The following TNRC6A variants were observed in gnomAD, a reference collection of about 807,000 sequenced individuals.
The protein encoded by TNRC6A is trinucleotide repeat containing adaptor 6A.
In TNRC6A, 44 loss-of-function variants were observed where a neutral mutation model predicts 221.2. The ratio of observed to expected loss-of-function variants is 0.20; its 90% CI spans 0.16 to 0.26. TNRC6A has a LOEUF of 0.26. TNRC6A is among the 10% of genes least tolerant of loss of function. The probability of loss-of-function intolerance (pLI) is 1.00; values close to 1 mark genes in which losing one functional copy is unlikely to be tolerated. For missense variants in TNRC6A, 2,199 were observed against 2,404.4 expected (o/e 0.91, Z 1.79); for synonymous variants, 847 against 838.5 (o/e 1.01, Z -0.18).
At chr16:24,628,905 A>G (rs1805310359) in intron 1 of TNRC6A, among the ~76,000 whole-genome samples, 1 of 152,160 alleles carries the variant, frequency 6.6e-6, no homozygotes, top group South Asian at 2.1e-4. Flanking sequence ...TCAAAAAATA[A>G]AATGGTGAGA....
At chr16:24,811,413 G>A (rs1041815577) in intron 18 of TNRC6A, among the ~76,000 whole-genome samples, 4 of 152,166 alleles carry the variant, frequency 2.6e-5, no homozygotes, top group Non-Finnish European at 4.4e-5. Context: ...TTGGTGACAT[G>A]TATAGAAGGA....
At chr16:24,648,274 C>CTTTTTTT (rs71156430) in intron 2 of TNRC6A, among the ~76,000 whole-genome samples, 3 of 97,872 alleles carry the variant, frequency 3.1e-5, no homozygotes, top group African/African-American at 4.7e-5. Context: ...TCCACAGCAA[C>CTTTTTTT]TTTTTTTTTT....
intron 14 of TNRC6A, 87 bp from the exon 15 acceptor site, chr16:24,805,518 G>GT: frequency 6.5e-7 from 1 of 1,543,940 alleles, no homozygotes; most frequent in Non-Finnish European, 8.8e-7. Flanking sequence ...AAATTTAACT[G>GT]CTCTATTGAC....
At chr16:24,718,158 C>T (rs1394016007) in intron 2 of TNRC6A, among the ~76,000 whole-genome samples, 1 of 152,150 alleles carries the variant, frequency 6.6e-6, no homozygotes, top group East Asian at 1.9e-4. Context: ...GAGAATACAA[C>T]ACTGAATGCA....
At chr16:24,733,182 T>C (rs978658010) in intron 2 of TNRC6A, among the ~76,000 whole-genome samples, 3 of 152,144 alleles carry the variant, frequency 2.0e-5, no homozygotes, top group African/African-American at 7.2e-5. Context: ...CACTCCAGCC[T>C]ACTTGACAGA....
chr16:24,814,502 G>A (rs552466015), intron 18 of TNRC6A, among the ~76,000 whole-genome samples: 65 of 140,734 alleles, frequency 4.6e-4, no homozygotes, highest in African/African-American at 1.7e-3. Context: ...TCTGCCTCCC[G>A]GGTTCAAGCG....
chr16:24,735,837 CT>C (rs1470045676), intron 2 of TNRC6A, among the ~76,000 whole-genome samples: 1 of 152,158 alleles, frequency 6.6e-6, no homozygotes. Flanking sequence ...AAATCTCTCA[CT>C]GAAAAAACAG....
At chr16:24,643,125 A>ATTTT (rs1567319561) in intron 2 of TNRC6A, among the ~76,000 whole-genome samples, 6 of 38,046 alleles carry the variant, frequency 1.6e-4, no homozygotes, top group Admixed American at 3.0e-4. Context: ...ATATATATAA[A>ATTTT]ATATATATAT....
chr16:24,774,009 C>T (rs1300325456), intron 4 of TNRC6A, among the ~76,000 whole-genome samples: 1 of 152,072 alleles, frequency 6.6e-6, no homozygotes. Context: ...TAATTGGGGG[C>T]TTCTATTTAG....
At chr16:24,812,814 A>G (rs2058573999) in intron 18 of TNRC6A, among the ~76,000 whole-genome samples, 1 of 150,876 alleles carries the variant, frequency 6.6e-6, no homozygotes, top group South Asian at 2.1e-4. Flanking sequence ...CTTGGCAAGT[A>G]ACTTAACCTT....
At chr16:24,770,476 G>A (rs1043277362) in intron 4 of TNRC6A, among the ~76,000 whole-genome samples, 6 of 152,108 alleles carry the variant, frequency 3.9e-5, no homozygotes, top group Admixed American at 2.0e-4. Flanking sequence ...AAGAAGTGGC[G>A]TTGGAGACAC....
chr16:24,804,043 T>G (rs2058379809), intron 11 of TNRC6A, 134 bp from the exon 12 acceptor site: 1 of 806,034 alleles, frequency 1.2e-6, no homozygotes, highest in African/African-American at 1.8e-5. Context: ...GAAATGGAAG[T>G]GTATTTTTCA....
chr16:24,626,905 G>T (rs146938625), intron 1 of TNRC6A, among the ~76,000 whole-genome samples: 6 of 149,964 alleles, frequency 4.0e-5, no homozygotes, highest in Admixed American at 4.0e-4. Context: ...ACCCGCCTTG[G>T]CCTCCCAAAG....
At chr16:24,616,602 G>T (rs1410004565) in intron 1 of TNRC6A, among the ~76,000 whole-genome samples, 1 of 152,082 alleles carries the variant, frequency 6.6e-6, no homozygotes, top group African/African-American at 2.4e-5. Context: ...CCCAGCATAT[G>T]GTCAGTGTGG....
chr16:24,653,161 A>G lies in TNRC6A; in HGVS notation n.402+12152A>G, dbSNP rs184682506. Among the ~76,000 whole-genome samples, 72 of 152,316 alleles carry G rather than the reference A, an allele frequency of 4.7e-4. 1 individual carries two copies. In the East Asian group the frequency reaches 0.014, roughly 29 times the overall value. Reference sequence around the variant, plus strand: ...CTGGAATGAACAAATCTATAAAGCAATAGAACAATAACCCCAACAAAGACA... The same window carrying G: ...CTGGAATGAACAAATCTATAAAGCAGTAGAACAATAACCCCAACAAAGACA... On this transcript the variant is annotated intron_variant and non_coding_transcript_variant, in intron 2 of 2. Coordinates refer to the TNRC6A transcript ENST00000566108.
chr16:24,676,393 T>C lies in TNRC6A; in HGVS notation n.402+35384T>C, dbSNP rs998117546. 2.6e-5 allele frequency among the ~76,000 whole-genome samples: 4 copies of C among 151,928 alleles called. No individual in the cohort carries two copies. In the East Asian group the frequency reaches 7.7e-4, roughly 29 times the overall value. ...CTCACTGCAACCTCCACCACCCACA[T>C]TCAAGCAATTCTTCTGCCTCAGCCT... On this transcript the variant is annotated intron_variant and non_coding_transcript_variant, in intron 2 of 2. Coordinates refer to the TNRC6A transcript ENST00000566108.
intron 2 of TNRC6A, among the ~76,000 whole-genome samples, chr16:24,715,295 G>A (rs1243979146): frequency 6.6e-6 from 1 of 151,452 alleles, no homozygotes; most frequent in Non-Finnish European, 1.5e-5. Flanking sequence ...GGATGGTCTT[G>A]AACTTCTGAG....
intron 19 of TNRC6A, 137 bp from the exon 20 acceptor site, chr16:24,816,679 A>G (rs575861048): frequency 5.8e-6 from 6 of 1,038,266 alleles, no homozygotes; most frequent in African/African-American, 3.2e-5. Context: ...TAACTGAACC[A>G]TCCTCTTAGA....
At chr16:24,625,597 G>A (rs575068758) in intron 1 of TNRC6A, among the ~76,000 whole-genome samples, 4 of 152,000 alleles carry the variant, frequency 2.6e-5, no homozygotes, top group Admixed American at 6.6e-5. Flanking sequence ...GCGGTGGCGG[G>A]CGCCTGTAGT....
Sources: allele counts gnomAD v4.1 joint callset (sites outside exome capture counted in the v4.1 genomes callset), GRCh38; gene constraint gnomAD v4.1.1; transcripts MANE v1.5; gene names NCBI Gene and HGNC (gene_info 2026-07-23, HGNC 2026-07-21).